Variants in NUFIP2 observed in about 807,000 individuals in gnomAD.
NUFIP2 encodes FMR1-interacting protein NUFIP2.
A neutral mutation model predicts 56.9 loss-of-function variants in NUFIP2; 6 were observed. The ratio of observed to expected loss-of-function variants is 0.11; its 90% CI spans 0.06 to 0.21. NUFIP2 has a LOEUF of 0.21. NUFIP2 is among the 10% of genes least tolerant of loss of function. The pLI, the probability that NUFIP2 is intolerant of heterozygous loss-of-function variation, is 1.00. For missense variants in NUFIP2, 828 were observed against 826.8 expected, an observed-to-expected ratio of 1.00 and a Z score of -0.02; for synonymous variants, 321 against 298.2, an observed-to-expected ratio of 1.08 and a Z score of -0.79.
intron 3 of NUFIP2, among the ~76,000 whole-genome samples, chr17:29,265,864 A>G (rs1463155050): frequency 1.3e-5 from 2 of 151,850 alleles, no homozygotes; most frequent in African/African-American, 4.8e-5. Context: ...CCTTTCTGGG[A>G]CTCCTAGGGC....
At chr17:29,268,063 T>C (rs1226462912) in intron 2 of NUFIP2, among the ~76,000 whole-genome samples, 5 of 152,128 alleles carry the variant, frequency 3.3e-5, no homozygotes, top group African/African-American at 1.2e-4. Flanking sequence ...CACGCCCAGC[T>C]AATTTTTGTA....
At chr17:29,277,741 G>A (rs534668995) in intron 2 of NUFIP2, among the ~76,000 whole-genome samples, 29 of 152,048 alleles carry the variant, frequency 1.9e-4, no homozygotes, top group East Asian at 1.2e-3. Context: ...GGCCAGGTGC[G>A]GTGGCTTATG....
intron 3 of NUFIP2, among the ~76,000 whole-genome samples, chr17:29,265,311 T>A (rs527570465): frequency 0.095 from 14,121 of 148,086 alleles, 679 homozygotes; most frequent in Middle Eastern, 0.12. Context: ...TTTTATTTTT[T>A]TTTTTTTTTG....
At chr17:29,283,742 T>C (rs2069153979) in intron 2 of NUFIP2, among the ~76,000 whole-genome samples, 2 of 152,102 alleles carry the variant, frequency 1.3e-5, no homozygotes, top group Admixed American at 6.6e-5. Flanking sequence ...AACCCAACTC[T>C]CCTGGCAGAG....
intron 1 of NUFIP2, among the ~76,000 whole-genome samples, chr17:29,292,533 G>A (rs1354783822): frequency 6.6e-6 from 1 of 151,424 alleles, no homozygotes; most frequent in African/African-American, 2.4e-5. Context: ...ACTCGTGACC[G>A]GGGAGCTGGG....
Position 29,286,042 on chromosome 17 carries a change from T to C in NUFIP2, c.1952A>G (p.Asp651Gly). 1 of 1,614,118 alleles carries C rather than the reference T, an allele frequency of 6.2e-7. No individual in the cohort carries two copies. The highest frequency in any genetic ancestry group is 8.5e-7 in the Non-Finnish European group (1 of 1,179,968). Residue 651 changes from aspartate (D) to glycine (G), a missense_variant, in exon 2 of 4, where the codon GAT becomes GGT. This residue lies in a region of NUFIP2 where 404 missense variants were observed against 380.3 expected (regional missense o/e 1.06). Transcript: ENST00000225388. ...QRYQRGLERN[D>G]SWGSFDLRAA... The stretch of plus-strand genomic sequence containing the variant: ...CCTCAGGTCAAAAGAACCCCAGCTA[T>C]CATTCCTTTCTAGGCCTCTCTGGTA...
In NUFIP2 at chr17:29,258,440, A is replaced by C. The variant is rs2068982737; in HGVS notation, c.*6099T>G. ...GCAGCACTATTTCCCCTCTATATACAAACAAAAAATAAGTCCCCAGCTTAC... is the reference window on the plus strand; with the variant it reads ...GCAGCACTATTTCCCCTCTATATACCAACAAAAAATAAGTCCCCAGCTTAC... On this transcript the variant is annotated 3_prime_UTR_variant, in exon 4 of 4. Coordinates refer to ENST00000225388, the MANE Select transcript of NUFIP2 (RefSeq NM_020772.3). 6.6e-6 allele frequency: 1 copy of C among 152,194 alleles called. No homozygotes were observed. The allele number at this position is 152,194 out of a possible 1,614,324, so 9.4% of individuals were successfully genotyped here.
At chr17:29,278,401 T>A (rs533077545) in intron 2 of NUFIP2, among the ~76,000 whole-genome samples, 1 of 152,006 alleles carries the variant, frequency 6.6e-6, no homozygotes, top group East Asian at 1.9e-4. Context: ...TACCCGCCAC[T>A]GCGCCCGGCT....
intron 2 of NUFIP2, among the ~76,000 whole-genome samples, chr17:29,272,399 C>G (rs2069080318): frequency 6.6e-6 from 1 of 151,960 alleles, no homozygotes; most frequent in African/African-American, 2.4e-5. Context: ...TGCCACCAAG[C>G]CCGGCTAATT....
intron 1 of NUFIP2, among the ~76,000 whole-genome samples, chr17:29,293,077 C>G (rs1420491275): frequency 6.6e-6 from 1 of 151,600 alleles, no homozygotes; most frequent in Admixed American, 6.6e-5. Context: ...GGAAGCGGCC[C>G]CGCGAGGAGG....
rs775632448 is a variant in NUFIP2, at chr17:29,286,372, G to A, written c.1622C>T (p.Pro541Leu). The change falls in exon 2 of 4, where the codon CCT becomes CTT. Residue 541 changes from proline to leucine, a missense_variant. Pro to Leu is a moderately conservative substitution (Grantham distance 98). Around this residue, in one of 3 missense-constraint regions of NUFIP2, gnomAD observed 404 missense variants for 380.3 expected, o/e 1.06. Transcript: ENST00000225388. The part of the protein sequence containing the change: ...VMEVTFQGEY[P>L]ATLVSQGAEI... ...AGCACCCTGTGAAACCAAAGTAGCA[G>A]GATATTCTCCTTGAAATGTCACCTC... is the stretch of plus-strand genomic sequence containing the variant. 3 of 1,614,098 alleles carry A rather than the reference G, an allele frequency of 1.9e-6. No individual in the cohort carries two copies. The highest frequency in any genetic ancestry group is 2.2e-5 in the South Asian group (2 of 91,072).
At chr17:29,276,047 T>C (rs1174939011) in intron 2 of NUFIP2, among the ~76,000 whole-genome samples, 1 of 150,640 alleles carries the variant, frequency 6.6e-6, no homozygotes, top group Non-Finnish European at 1.5e-5. Context: ...TATATATATA[T>C]ATCTGAAAGT....
chr17:29,293,655 C>T (rs1021630265), intron 1 of NUFIP2, 128 bp downstream of exon 1: 1 of 1,013,936 alleles, frequency 9.9e-7, no homozygotes, highest in African/African-American at 1.6e-5. Context: ...AAGGGGCATC[C>T]CCAGAGCCGG....
At position 29,286,399 on chromosome 17, in the gene NUFIP2, A is replaced by C. The variant is rs1343163746; in HGVS notation, c.1595T>G (p.Met532Arg). ...ATATTCTCCTTGAAATGTCACCTCC[A>C]TCACTTTATGCTCTGATGACTTCCC... ...VTGKSSEHKV[M>R]EVTFQGEYPA... Residue 532 changes from methionine (M) to arginine (R), a missense_variant, in exon 2 of 4, where the codon ATG becomes AGG. Around this residue, in one of 3 missense-constraint regions of NUFIP2, gnomAD observed 404 missense variants for 380.3 expected, o/e 1.06. Coordinates refer to ENST00000225388, the MANE Select transcript of NUFIP2 (RefSeq NM_020772.3). 6 of 1,614,144 alleles carry C rather than the reference A, an allele frequency of 3.7e-6. No individual in the cohort carries two copies. The highest frequency in any genetic ancestry group is 1.7e-5 in the Admixed American group (1 of 60,020).
rs533540497 is a variant in NUFIP2, at chr17:29,293,116, G to C, written c.277+667C>G. Among the ~76,000 whole-genome samples the C allele has an allele frequency of 1.5e-4, 23 of 151,710 alleles. No individual in the cohort carries two copies. In the East Asian group the frequency reaches 2.8e-3, roughly 18 times the overall value. Reference sequence around the variant, plus strand: ...GAACATTCCAGCCGCGCCGGCTCTGGGGGGAGCGGGCGCGGGGCGCCGGCC... The same window carrying C: ...GAACATTCCAGCCGCGCCGGCTCTGCGGGGAGCGGGCGCGGGGCGCCGGCC... On this transcript the variant is annotated intron_variant, in intron 1 of 3. Coordinates refer to ENST00000225388, the MANE Select transcript of NUFIP2 (RefSeq NM_020772.3).
chr17:29,276,031 T>C (rs1390367586), intron 2 of NUFIP2, among the ~76,000 whole-genome samples: 1 of 146,554 alleles, frequency 6.8e-6, no homozygotes, highest in Admixed American at 6.9e-5. Context: ...CCGTCTCAAA[T>C]ATATATATAT....
rs1236946145 is a variant in NUFIP2 at position 29,258,835 on chromosome 17, G to T, written c.*5704C>A. ...AATGTAAAAAGTGCATCACATTCTT[G>T]ATTTTCAGTTTCTCATAGCAGCAGG... On this transcript the variant is annotated 3_prime_UTR_variant, in exon 4 of 4. Transcript: ENST00000225388. The T allele has an allele frequency of 6.6e-6, 1 of 152,164 alleles. No individual in the cohort carries two copies. Among genetic ancestry groups the T allele is most frequent in the Non-Finnish European group, 1.5e-5 (1 of 68,026 alleles). The allele number at this position is 152,164 out of a possible 1,614,324, so 9.4% of individuals were successfully genotyped here.
chr17:29,286,699 C>T lies in NUFIP2; in HGVS notation c.1295G>A (p.Gly432Asp), dbSNP rs1440108417. The change falls in exon 2 of 4, where the codon GGT (glycine) becomes GAT (aspartate). Residue 432 changes from glycine to aspartate, a missense_variant. Gly to Asp is a moderately conservative substitution (Grantham distance 94). This residue lies in a region of NUFIP2 where 404 missense variants were observed against 380.3 expected (regional missense o/e 1.06). Transcript: ENST00000225388. ...GTDGNVYPPGGQPLLTTAANT... is the reference protein window; with the variant it reads ...GTDGNVYPPGDQPLLTTAANT... ...AGCAGCAGTAGTTAGCAGTGGCTGA[C>T]CCCCTGGAGGATAAACATTTCCATC... is the stretch of plus-strand genomic sequence containing the variant. 21 of 1,613,976 alleles carry T rather than the reference C, an allele frequency of 1.3e-5. No homozygotes were observed. The highest frequency in any genetic ancestry group is 1.8e-5 in the Non-Finnish European group (21 of 1,180,026).
chr17:29,279,356 T>A (rs1352029242), intron 2 of NUFIP2, among the ~76,000 whole-genome samples: 8 of 152,050 alleles, frequency 5.3e-5, no homozygotes, highest in Non-Finnish European at 2.9e-5. Flanking sequence ...AAAATTTTTT[T>A]TAAAATTCAG....
Sources: allele counts gnomAD v4.1 joint callset (sites outside exome capture counted in the v4.1 genomes callset), GRCh38; gene constraint gnomAD v4.1.1; regional missense constraint gnomAD v4.1.1; transcripts MANE v1.5; gene names NCBI Gene and HGNC (gene_info 2026-07-23, HGNC 2026-07-21).